STRBP: variants seen among roughly 807,000 people sequenced by gnomAD.
STRBP encodes the protein spermatid perinuclear RNA binding protein, also known as spermatid perinuclear RNA-binding protein.
In STRBP, 13 loss-of-function variants were observed where a neutral mutation model predicts 80.1. The ratio of observed to expected loss-of-function variants is 0.16; its 90% CI spans 0.11 to 0.26. The LOEUF (loss-of-function observed/expected upper bound fraction) is 0.26, where lower values mean the gene tolerates loss of function less well. Ranked by LOEUF, STRBP falls within the 10% of genes least tolerant of loss-of-function variation. The probability of loss-of-function intolerance (pLI) is 1.00; values close to 1 mark genes in which losing one functional copy is unlikely to be tolerated. For synonymous variants in STRBP, 284 were observed against 291.2 expected (o/e 0.98, Z 0.25); for missense variants, 485 against 815.2 (o/e 0.59, Z 4.93).
chr9:123,243,399 T>C (rs966010159), intron 1 of STRBP, among the ~76,000 whole-genome samples: 4 of 152,098 alleles, frequency 2.6e-5, no homozygotes, highest in African/African-American at 9.7e-5. Context: ...GGAAAAAATC[T>C]TTGGGGCACA....
chr9:123,265,653 T>C (rs1277849336), intron 1 of STRBP, among the ~76,000 whole-genome samples: 1 of 152,162 alleles, frequency 6.6e-6, no homozygotes, highest in Non-Finnish European at 1.5e-5. Flanking sequence ...GAATGAGACT[T>C]GCACTGAAAT....
At chr9:123,248,487 G>A (rs2040846320) in intron 1 of STRBP, among the ~76,000 whole-genome samples, 1 of 151,754 alleles carries the variant, frequency 6.6e-6, no homozygotes, top group Non-Finnish European at 1.5e-5. Context: ...GGCCAGGCTG[G>A]TCTCGAACTC....
intron 1 of STRBP, among the ~76,000 whole-genome samples, chr9:123,238,536 T>A (rs945053916): frequency 2.6e-5 from 4 of 152,192 alleles, no homozygotes; most frequent in Non-Finnish European, 4.4e-5. Context: ...ACCATTATAG[T>A]GACTAAGAGA....
At chr9:123,168,483 T>A (rs1428150755) in intron 6 of STRBP, among the ~76,000 whole-genome samples, 1 of 152,240 alleles carries the variant, frequency 6.6e-6, no homozygotes, top group Admixed American at 6.5e-5. Flanking sequence ...TCTATCACTT[T>A]TACTTTAAGT....
intron 5 of STRBP, 30 bp from the exon 6 acceptor site, chr9:123,170,076 C>A: frequency 6.3e-7 from 1 of 1,582,460 alleles, no homozygotes; most frequent in Non-Finnish European, 8.6e-7. Context: ...CAAAATCACC[C>A]AGTTAATTAG....
chr9:123,260,958 A>G (rs1293744071), intron 1 of STRBP, among the ~76,000 whole-genome samples: 2 of 152,246 alleles, frequency 1.3e-5, no homozygotes, highest in Non-Finnish European at 2.9e-5. Context: ...TATGCTTTAT[A>G]GCTTCCAAAC....
intron 2 of STRBP, among the ~76,000 whole-genome samples, chr9:123,234,217 A>AAG (rs1365933946): frequency 2.7e-5 from 4 of 150,258 alleles, no homozygotes; most frequent in Admixed American, 2.0e-4. Flanking sequence ...AAAAAAAAAA[A>AAG]AAGAAGTAAA....
chr9:123,222,057 A>G (rs1031844143), intron 2 of STRBP, among the ~76,000 whole-genome samples: 2 of 152,072 alleles, frequency 1.3e-5, no homozygotes, highest in African/African-American at 2.4e-5. Context: ...TTTTACATTT[A>G]TCACCTGGCA....
chr9:123,136,361 G>T lies in STRBP; in HGVS notation c.1632+20C>A. ...GTCTTTGAGAAGAAAGATAAGGCTG[G>T]CTTGTGTCTGGGTACACACCTCCAT... On this transcript the variant is annotated intron_variant, in intron 15 of 18. Coordinates refer to ENST00000348403, the MANE Select transcript of STRBP (RefSeq NM_018387.5). The surrounding 1 kb of genome is among the most constrained non-coding windows in gnomAD (Gnocchi z 4.2). 1 of 1,612,852 alleles carries T rather than the reference G, an allele frequency of 6.2e-7. No homozygotes were observed. Among genetic ancestry groups the T allele is most frequent in the Non-Finnish European group, 8.5e-7 (1 of 1,179,434 alleles).
rs2035803924 is a variant in STRBP, at chr9:123,123,778, T to A, written c.*1819A>T. ...ATAGTATTCCAAAGACAATGAGGAC[T>A]ACTGTAAAGATTTAATTAATAAAAA... On this transcript the variant is annotated 3_prime_UTR_variant, in exon 19 of 19. Transcript: ENST00000348403. 1 of 985,286 alleles carries A rather than the reference T, an allele frequency of 1.0e-6. No homozygotes were observed. The highest frequency in any genetic ancestry group is 1.1e-4 in the East Asian group (1 of 8,824). 61.0% of individuals were successfully genotyped at this position (985,286 alleles called of 1,614,324 possible).
chr9:123,111,577 TGTAA>T, intron 3 of STRBP: 1 of 479,056 alleles, frequency 2.1e-6, no homozygotes, highest in Non-Finnish European at 4.3e-6. Context: ...GGCTCTTGTC[TGTAA>T]GTAACTCCAC....
intron 1 of STRBP, among the ~76,000 whole-genome samples, chr9:123,241,648 T>C (rs1159165186): frequency 6.6e-6 from 1 of 152,222 alleles, no homozygotes; most frequent in Non-Finnish European, 1.5e-5. Context: ...AGGCATTATC[T>C]TTGATTCCCT....
intron 1 of STRBP, among the ~76,000 whole-genome samples, chr9:123,264,316 C>T (rs962539137): frequency 6.6e-6 from 1 of 152,232 alleles, no homozygotes; most frequent in Non-Finnish European, 1.5e-5. Flanking sequence ...AGAATTCAAA[C>T]CAGCACTAAC....
Position 123,125,308 on chromosome 9 carries a change from A to G in STRBP, c.*289T>C, listed in dbSNP as rs1041664672. ...TTTTACATAATCTGATACGTCTCTT[A>G]AAACTTAAACTTTGAACTGCTAGAC... is the stretch of plus-strand genomic sequence containing the variant. On this transcript the variant is annotated 3_prime_UTR_variant, in exon 19 of 19. Coordinates refer to ENST00000348403, the MANE Select transcript of STRBP (RefSeq NM_018387.5). The G allele has an allele frequency of 9.2e-7, 1 of 1,089,470 alleles. No individual in the cohort carries two copies. The highest frequency in any genetic ancestry group is 1.1e-6 in the Non-Finnish European group (1 of 897,440). 67.5% of individuals were successfully genotyped at this position (1,089,470 alleles called of 1,614,324 possible). A position where few individuals can be genotyped will look rare whatever the true frequency, so the allele number is the denominator to read the frequency against.
rs149864868 is a variant in STRBP, at chr9:123,241,521, A to C, written c.-301-4555T>G. On this transcript the variant is annotated intron_variant, in intron 1 of 18. Transcript: ENST00000348403. The stretch of plus-strand genomic sequence containing the variant: ...AAGACCTTGTCAACCCGCACACACA[A>C]AAAAAAAAATCAATTTTTTTTTCTC... 2.2e-3 allele frequency among the ~76,000 whole-genome samples: 325 copies of C among 150,010 alleles called. 1 individual carries two copies. The highest frequency in any genetic ancestry group is 5.6e-3 in the African/African-American group (229 of 40,862).
intron 4 of STRBP, 68 bp downstream of exon 4, chr9:123,178,939 A>G: frequency 6.8e-7 from 1 of 1,475,548 alleles, no homozygotes; most frequent in Non-Finnish European, 9.4e-7. Flanking sequence ...ACACACACTC[A>G]ATCCAGCAGA....
chr9:123,229,507 T>C (rs1170849412), intron 2 of STRBP, among the ~76,000 whole-genome samples: 4 of 152,212 alleles, frequency 2.6e-5, no homozygotes, highest in Non-Finnish European at 4.4e-5. Flanking sequence ...AAAAATAACA[T>C]GTTTAAATGT....
At chr9:123,248,291 G>A (rs2040841686) in intron 1 of STRBP, among the ~76,000 whole-genome samples, 1 of 98,020 alleles carries the variant, frequency 1.0e-5, no homozygotes, top group Admixed American at 1.6e-4. Context: ...TTTTTGAGAT[G>A]GAGTCTCACC....
chr9:123,245,758 TAG>T (rs2040788823), intron 1 of STRBP, among the ~76,000 whole-genome samples: 1 of 152,218 alleles, frequency 6.6e-6, no homozygotes, highest in African/African-American at 2.4e-5. Context: ...CCTCCAGAGC[TAG>T]AGAGTCTTTT....
Sources: gnomAD v4.1 joint callset for allele counts (sites outside exome capture counted in the v4.1 genomes callset) on GRCh38, gnomAD v4.1.1 for gene constraint, Gnocchi (gnomAD v3.1) non-coding constraint, MANE v1.5 for transcripts, NCBI Gene and HGNC (gene_info 2026-07-23, HGNC 2026-07-21) for gene names.